The following CCDC187 variants were observed in gnomAD, a reference collection of about 807,000 sequenced individuals.
CCDC187 encodes the protein coiled-coil domain-containing protein 187.
CCDC187 carries 32 observed loss-of-function variants against 38.0 expected under a neutral mutation model. That is an observed-to-expected ratio of 0.84 (90% CI 0.64 to 1.13). The LOEUF is 1.13. Ranked by LOEUF, CCDC187 falls within the 50% of genes most tolerant of loss-of-function variation. The pLI, the probability that CCDC187 is intolerant of heterozygous loss-of-function variation, is 0.00. For synonymous variants in CCDC187, 333 were observed against 347.9 expected, an observed-to-expected ratio of 0.96 and a Z score of 0.48; for missense variants, 707 against 786.8, an observed-to-expected ratio of 0.90 and a Z score of 1.21.
intron 14 of CCDC187, among the ~76,000 whole-genome samples, chr9:136,270,101 C>G (rs1554762172): frequency 6.6e-6 from 1 of 152,222 alleles, no homozygotes; most frequent in East Asian, 1.9e-4. Flanking sequence ...CTCACAACTT[C>G]AAGTGGCCTA....
In CCDC187 at chr9:136,267,679, C is replaced by T. The variant is rs888317351; in HGVS notation, c.3520-168G>A. 1.3e-5 allele frequency: 12 copies of T among 946,294 alleles called. No homozygotes were observed. The African/African-American group carries it at 1.9e-4, about 15-fold the overall frequency. 58.6% of individuals were successfully genotyped at this position (946,294 alleles called of 1,614,324 possible). ...CGGACTGCCCGCCCCTCCCATCCCC[C>T]TATGCCGCCCTCGCTTCCCCGACTG... On this transcript the variant is annotated intron_variant, in intron 15 of 25. Transcript: ENST00000638797.
intron 3 of CCDC187, 26 bp from the exon 4 acceptor site, chr9:136,297,847 GA>G: frequency 2.8e-6 from 1 of 352,140 alleles, no homozygotes; most frequent in Non-Finnish European, 5.1e-6. Context: ...GAAAGGAAGG[GA>G]GGGAGGGAGG....
chr9:136,266,007 G>C lies in CCDC187; in HGVS notation c.3684C>G (p.Ala1228=). ...LDSKRDRAVL[A]ALVEKQQQAL... ...CTTGCTGCTGCTTCTCAACCAGCGC[G>C]GCCAGCACAGCTCTGTCCCTCTTGC... The change falls in exon 17 of 26, where the codon GCC becomes GCG. Residue 1228 remains alanine, a synonymous_variant. Coordinates refer to ENST00000638797, the MANE Select transcript of CCDC187 (RefSeq NM_001378188.1). 4 of 985,502 alleles carry C rather than the reference G, an allele frequency of 4.1e-6. No individual in the cohort carries two copies. Among genetic ancestry groups the C allele is most frequent in the Non-Finnish European group, 4.8e-6 (4 of 829,980 alleles). The allele number at this position is 985,502 out of a possible 1,614,324, so 61.0% of individuals were successfully genotyped here. A position where few individuals can be genotyped will look rare whatever the true frequency, so the allele number is the denominator to read the frequency against.
Position 136,253,648 on chromosome 9 carries a change from C to A in CCDC187, c.6180G>T (p.Glu2060Asp). ...CAGGAAACAGTCCCTCCGGCAGACTCTCCTCAGACAAGGAGGACAAATCCT... is the reference window on the plus strand; with the variant it reads ...CAGGAAACAGTCCCTCCGGCAGACTATCCTCAGACAAGGAGGACAAATCCT... ...TTQDLSSLSE[E>D]SLPEGLFPGP... The change falls in exon 26 of 26, where the codon GAG (glutamate) becomes GAT (aspartate). Residue 2060 changes from glutamate (E) to aspartate (D), a missense_variant. By Grantham distance (45) the Glu-to-Asp change is conservative. Transcript: ENST00000638797. 2 of 985,574 alleles carry A rather than the reference C, an allele frequency of 2.0e-6. No individual in the cohort carries two copies. Among genetic ancestry groups the A allele is most frequent in the South Asian group, 9.4e-5 (2 of 21,292 alleles). 61.1% of individuals were successfully genotyped at this position (985,574 alleles called of 1,614,324 possible). A position where few individuals can be genotyped will look rare whatever the true frequency, so the allele number is the denominator to read the frequency against.
intron 17 of CCDC187, 82 bp from the exon 18 acceptor site, chr9:136,263,880 G>A (rs1320907241): frequency 3.2e-6 from 3 of 932,560 alleles, no homozygotes; most frequent in Non-Finnish European, 3.8e-6. Context: ...GGGGTGTCTG[G>A]GGGGATGCCC....
chr9:136,295,696 T>C (rs1831517518), intron 4 of CCDC187, among the ~76,000 whole-genome samples: 1 of 152,332 alleles, frequency 6.6e-6, no homozygotes, highest in South Asian at 2.1e-4. Flanking sequence ...AGCTGTGACT[T>C]CGTCACTGAC....
At chr9:136,260,797 A>C (rs1554760917) in intron 19 of CCDC187, among the ~76,000 whole-genome samples, 1 of 152,164 alleles carries the variant, frequency 6.6e-6, no homozygotes, top group East Asian at 1.9e-4. Context: ...GGTTCAGAGG[A>C]GGGTGGCCCT....
At position 136,291,121 on chromosome 9, in the gene CCDC187, C is replaced by T. The variant is rs1588668989; in HGVS notation, c.1492G>A (p.Ala498Thr). Residue 498 changes from alanine (A) to threonine (T), a missense_variant, in exon 6 of 26, where the codon GCC (alanine) becomes ACC (threonine). Transcript: ENST00000638797. ...CCCCAGGCCCTCTGCGGACTGCAGG[C>T]CTGCCCAGCCAGTGCACTCCAGGGC... ...QRPWSALAGQ[A>T]CSPQRAWGAQ... The T allele has an allele frequency of 5.0e-6, 2 of 398,430 alleles. No homozygotes were observed. Among genetic ancestry groups the T allele is most frequent in the East Asian group, 7.1e-5 (2 of 28,052 alleles). The allele number at this position is 398,430 out of a possible 1,614,324, so 24.7% of individuals were successfully genotyped here. A position where few individuals can be genotyped will look rare whatever the true frequency, so the allele number is the denominator to read the frequency against.
At chr9:136,266,546 G>A (rs1830751455) in intron 16 of CCDC187, 1 of 152,268 alleles carries the variant, frequency 6.6e-6, no homozygotes, top group African/African-American at 2.4e-5. Flanking sequence ...TTTACCTTAA[G>A]GAAATGATCT....
In CCDC187 at chr9:136,255,988, C is replaced by T. The variant is rs576926181; in HGVS notation, c.4616+223G>A. Among the ~76,000 whole-genome samples the T allele has an allele frequency of 6.6e-5, 10 of 152,272 alleles. No homozygotes were observed. In the South Asian group the frequency reaches 2.1e-3, roughly 32 times the overall value. Reference sequence around the variant, plus strand: ...GTGGGGCTGCCACTCCCAGGGGGTTCGAAGCCGCTCTGCTGACCTTGGGCT... The same window carrying T: ...GTGGGGCTGCCACTCCCAGGGGGTTTGAAGCCGCTCTGCTGACCTTGGGCT... On this transcript the variant is annotated intron_variant, in intron 24 of 25. Transcript: ENST00000638797.
rs71483270 is a variant in CCDC187, at chr9:136,252,318, A to G, written c.*1276T>C. 7 of 63,710 alleles carry G rather than the reference A, an allele frequency of 1.1e-4. No homozygotes were observed. In the South Asian group the frequency reaches 1.5e-3, roughly 14 times the overall value. The allele number at this position is 63,710 out of a possible 1,614,324, so 3.9% of individuals were successfully genotyped here. On this transcript the variant is annotated 3_prime_UTR_variant, in exon 26 of 26. Transcript: ENST00000638797. ...CCTGGGAAGAGCCGGCCGCCCACCC[A>G]GTCCACCCTGGGAAGGTCCAGGCGA...
At chr9:136,287,243 CA>C (rs1202521583) in intron 7 of CCDC187, among the ~76,000 whole-genome samples, 38 of 150,930 alleles carry the variant, frequency 2.5e-4, no homozygotes, top group Non-Finnish European at 4.0e-4. Context: ...GTCAGCCAGC[CA>C]CAAAATGAAA....
chr9:136,269,817 T>G (rs1277421695), intron 14 of CCDC187, among the ~76,000 whole-genome samples: 3 of 152,160 alleles, frequency 2.0e-5, no homozygotes, highest in Non-Finnish European at 4.4e-5. Context: ...GTGTGAGAAT[T>G]GGCAGAGAAG....
intron 4 of CCDC187, among the ~76,000 whole-genome samples, chr9:136,293,524 T>TACTC (rs878907490): frequency 3.9e-5 from 2 of 51,260 alleles, no homozygotes; most frequent in African/African-American, 1.8e-4. Context: ...CATGCTCACA[T>TACTC]ACACGCTTAC....
intron 9 of CCDC187, among the ~76,000 whole-genome samples, chr9:136,282,815 C>T (rs1831078329): frequency 2.6e-5 from 4 of 152,244 alleles, no homozygotes; most frequent in African/African-American, 7.2e-5. Context: ...GTGCCCAGGC[C>T]GTGAGGGGCT....
chr9:136,288,846 G>A (rs918207781), intron 7 of CCDC187, among the ~76,000 whole-genome samples: 3,933 of 152,360 alleles, frequency 0.026, 113 homozygotes, highest in African/African-American at 0.063. Context: ...CCGGCCGGGG[G>A]ATGGGAACCA....
At chr9:136,285,935 A>G in intron 8 of CCDC187, 150 bp downstream of exon 8, 1 of 397,272 alleles carries the variant, frequency 2.5e-6, no homozygotes, top group Non-Finnish European at 4.4e-6. Flanking sequence ...CACGTACACT[A>G]TGCTGCTCAG....
chr9:136,283,873 C>T (rs1011105668), intron 9 of CCDC187, among the ~76,000 whole-genome samples: 6,680 of 152,286 alleles, frequency 0.044, 348 homozygotes, highest in African/African-American at 0.12. Flanking sequence ...GCATTGCAGG[C>T]GACAGAGGCG....
At chr9:136,256,088 C>T in intron 24 of CCDC187, 123 bp downstream of exon 24, 1 of 412,162 alleles carries the variant, frequency 2.4e-6, no homozygotes, top group Non-Finnish European at 3.3e-6. Context: ...AGGGCTGTGC[C>T]CCGGCAGCAC....
Sources: gnomAD v4.1 joint callset for allele counts (sites outside exome capture counted in the v4.1 genomes callset) on GRCh38, gnomAD v4.1.1 for gene constraint, MANE v1.5 for transcripts, NCBI Gene and HGNC (gene_info 2026-07-23, HGNC 2026-07-21) for gene names.